Variants in SCARB1 observed in about 807,000 individuals in gnomAD.
SCARB1 encodes the protein CD36 and LIMPII analogous 1.
Under a neutral mutation model 57.2 loss-of-function variants are expected in SCARB1, and 30 were observed. The observed-to-expected ratio is 0.52, with a 90% confidence interval of 0.39 to 0.71. The LOEUF is 0.71. Among genes scored for constraint, SCARB1 ranks in the 30% least tolerant of loss-of-function variants. The pLI, the probability that SCARB1 is intolerant of heterozygous loss-of-function variation, is 0.00. For missense variants in SCARB1, 543 were observed against 671.2 expected, an observed-to-expected ratio of 0.81 and a Z score of 2.11; for synonymous variants, 249 against 268.3, an observed-to-expected ratio of 0.93 and a Z score of 0.70.
At chr12:124,837,597 A>AG (rs915932799) in intron 1 of SCARB1, among the ~76,000 whole-genome samples, 3 of 140,854 alleles carry the variant, frequency 2.1e-5, no homozygotes, top group Admixed American at 7.0e-5. Context: ...AGAAAAGAAA[A>AG]GTCAGCCAGC....
Position 124,786,102 on chromosome 12 carries a change from C to T in SCARB1, c.1401+255G>A, listed in dbSNP as rs745980747. On this transcript the variant is annotated intron_variant, in intron 11 of 12. Coordinates refer to ENST00000261693, the MANE Select transcript of SCARB1 (RefSeq NM_005505.5). The stretch of plus-strand genomic sequence containing the variant: ...AAGTACCAGGTCTCATTACTCAAAG[C>T]CCACCTGTGCCCCCTCCAAGGGAGG... 2.1e-5 allele frequency: 32 copies of T among 1,533,534 alleles called. 1 individual carries two copies. The South Asian group carries it at 3.8e-4, about 18-fold the overall frequency. The allele number at this position is 1,533,534 out of a possible 1,614,324, so 95.0% of individuals were successfully genotyped here.
Position 124,820,480 on chromosome 12 carries a change from C to A in SCARB1, c.127-2773G>T, listed in dbSNP as rs112588467. ...CACCCCATGGCGGCTCCCACCACCC[C>A]ATGCGACCACAGCCCACAGGCACCA... On this transcript the variant is annotated intron_variant, in intron 1 of 12. Coordinates refer to ENST00000261693, the MANE Select transcript of SCARB1 (RefSeq NM_005505.5). 4.5e-3 allele frequency among the ~76,000 whole-genome samples: 681 copies of A among 152,272 alleles called. 5 individuals are homozygous for A. Among genetic ancestry groups the A allele is most frequent in the African/African-American group, 0.016 (645 of 41,530 alleles).
chr12:124,852,813 G>A (rs1952473294), intron 1 of SCARB1, among the ~76,000 whole-genome samples: 2 of 152,370 alleles, frequency 1.3e-5, no homozygotes, highest in South Asian at 4.1e-4. Context: ...AGCTAAGACA[G>A]GTGGATCACC....
chr12:124,850,497 C>G (rs1021601894), intron 1 of SCARB1, among the ~76,000 whole-genome samples: 2 of 152,144 alleles, frequency 1.3e-5, no homozygotes, highest in Non-Finnish European at 2.9e-5. Flanking sequence ...CATGGAGAAA[C>G]CCTGTCTCTA....
At chr12:124,791,808 T>C (rs1949740504) in intron 9 of SCARB1, among the ~76,000 whole-genome samples, 1 of 151,960 alleles carries the variant, frequency 6.6e-6, no homozygotes, top group Admixed American at 6.6e-5. Flanking sequence ...ATACAAAAAT[T>C]TGCTGGGCGT....
At chr12:124,795,355 G>T in intron 8 of SCARB1, 87 bp from the exon 9 acceptor site, 1 of 1,106,996 alleles carries the variant, frequency 9.0e-7, no homozygotes, top group East Asian at 2.4e-5. Flanking sequence ...CCAGTCAAGA[G>T]GGTGGGCGTC....
intron 8 of SCARB1, among the ~76,000 whole-genome samples, chr12:124,798,095 G>T (rs1211436519): frequency 6.6e-6 from 1 of 152,220 alleles, no homozygotes; most frequent in Non-Finnish European, 1.5e-5. Context: ...ACACACAGTG[G>T]GATACTGTTC....
intron 1 of SCARB1, among the ~76,000 whole-genome samples, chr12:124,838,472 G>T (rs1204431997): frequency 6.6e-6 from 1 of 152,126 alleles, no homozygotes; most frequent in African/African-American, 2.4e-5. Flanking sequence ...GCTCACCACT[G>T]GCTCCAGTTC....
chr12:124,827,597 C>G (rs941364236), intron 1 of SCARB1, among the ~76,000 whole-genome samples: 1 of 152,134 alleles, frequency 6.6e-6, no homozygotes, highest in African/African-American at 2.4e-5. Context: ...AAGCGGTGGT[C>G]TCATTCCACA....
intron 11 of SCARB1, chr12:124,784,583 C>T (rs2135532383): frequency 6.6e-6 from 1 of 152,472 alleles, no homozygotes; most frequent in African/African-American, 2.4e-5. Flanking sequence ...TTCCCTGAGA[C>T]AGGGGAAGAG....
intron 9 of SCARB1, among the ~76,000 whole-genome samples, chr12:124,792,527 GC>G (rs1349239929): frequency 3.9e-5 from 6 of 152,012 alleles, no homozygotes; most frequent in Admixed American, 2.0e-4. Flanking sequence ...TTCGAGAACA[GC>G]CTGGCCAACA....
intron 11 of SCARB1, chr12:124,785,296 C>G (rs1393658218): frequency 6.5e-6 from 1 of 152,680 alleles, no homozygotes; most frequent in Non-Finnish European, 1.5e-5. Flanking sequence ...TCACTGTGCA[C>G]CACGAGGCCC....
chr12:124,837,112 C>T (rs1951679569), intron 1 of SCARB1, among the ~76,000 whole-genome samples: 1 of 152,174 alleles, frequency 6.6e-6, no homozygotes, highest in Non-Finnish European at 1.5e-5. Flanking sequence ...CATCCTGCTC[C>T]CCAGTTGCAC....
At chr12:124,823,476 A>G (rs1383188295) in intron 1 of SCARB1, among the ~76,000 whole-genome samples, 2 of 152,324 alleles carry the variant, frequency 1.3e-5, no homozygotes, top group East Asian at 3.9e-4. Flanking sequence ...TTTCATGGAA[A>G]ATAGCAAGTG....
chr12:124,793,784 T>C (rs1320124563), intron 9 of SCARB1, among the ~76,000 whole-genome samples: 4 of 150,332 alleles, frequency 2.7e-5, no homozygotes, highest in African/African-American at 9.8e-5. Flanking sequence ...AGAGTTAACA[T>C]AGGACCCAGC....
At chr12:124,811,411 T>C (rs930187292) in intron 5 of SCARB1, among the ~76,000 whole-genome samples, 3 of 152,178 alleles carry the variant, frequency 2.0e-5, no homozygotes, top group Admixed American at 1.3e-4. Flanking sequence ...TAGCTGGGAT[T>C]ACAGGCATGC....
intron 1 of SCARB1, among the ~76,000 whole-genome samples, chr12:124,829,854 T>C (rs1452702714): frequency 2.6e-5 from 4 of 152,138 alleles, no homozygotes; most frequent in Admixed American, 2.0e-4. Context: ...AAGCAGCCCT[T>C]CCCCCATCAC....
In SCARB1 at chr12:124,841,964, G is replaced by A. The variant is rs545307797; in HGVS notation, c.126+21631C>T. Among the ~76,000 whole-genome samples the A allele has an allele frequency of 3.9e-5, 6 of 152,268 alleles. No individual in the cohort carries two copies. In the South Asian group the frequency reaches 1.2e-3, roughly 32 times the overall value. On this transcript the variant is annotated intron_variant, in intron 1 of 12. Coordinates refer to ENST00000261693, the MANE Select transcript of SCARB1 (RefSeq NM_005505.5). Reference sequence around the variant, plus strand: ...AGCTCCAACACTTGGCACGAGACCTGGCCCACAATTTGTGAGCAGTAAACA... The same window carrying A: ...AGCTCCAACACTTGGCACGAGACCTAGCCCACAATTTGTGAGCAGTAAACA...
chr12:124,836,754 A>G (rs1951663274), intron 1 of SCARB1, among the ~76,000 whole-genome samples: 1 of 152,212 alleles, frequency 6.6e-6, no homozygotes, highest in Admixed American at 6.5e-5. Context: ...TGATCGTGCC[A>G]CTGTACTCCA....
Sources: gnomAD v4.1 joint callset for allele counts (sites outside exome capture counted in the v4.1 genomes callset) on GRCh38, gnomAD v4.1.1 for gene constraint, MANE v1.5 for transcripts, NCBI Gene and HGNC (gene_info 2026-07-23, HGNC 2026-07-21) for gene names.